Variants in GOLGA4 observed in about 807,000 individuals in gnomAD.
GOLGA4 encodes the protein golgin A4, also known as golgin subfamily A member 4.
In GOLGA4, 169 loss-of-function variants were observed where a neutral mutation model predicts 265.9. That is an observed-to-expected ratio of 0.64 (90% CI 0.56 to 0.72). GOLGA4 has a LOEUF of 0.72. GOLGA4 is among the 30% of genes least tolerant of loss of function. GOLGA4 has a pLI of 0.00. For missense variants in GOLGA4, 2,482 were observed against 2,483.4 expected (o/e 1.00, Z 0.01); for synonymous variants, 923 against 855.8 (o/e 1.08, Z -1.37).
chr3:37,267,423 G>T (rs2096786728), intron 2 of GOLGA4, among the ~76,000 whole-genome samples: 1 of 152,128 alleles, frequency 6.6e-6, no homozygotes, highest in Non-Finnish European at 1.5e-5. Flanking sequence ...ATCTTATTTT[G>T]CAGTTACCTG....
chr3:37,322,028 T>C, intron 13 of GOLGA4, 142 bp downstream of exon 13: 1 of 668,236 alleles, frequency 1.5e-6, no homozygotes, highest in Non-Finnish European at 2.5e-6. Context: ...TAGTGTGAGC[T>C]ATGCATGGGA....
chr3:37,285,408 A>G (rs906980201), intron 3 of GOLGA4, among the ~76,000 whole-genome samples: 1 of 152,226 alleles, frequency 6.6e-6, no homozygotes, highest in African/African-American at 2.4e-5. Context: ...TAAATGGTTA[A>G]ATATCTCTTT....
chr3:37,365,934 T>C, intron 23 of GOLGA4, 146 bp from the exon 24 acceptor site: 1 of 570,822 alleles, frequency 1.8e-6, no homozygotes, highest in African/African-American at 1.9e-5. Context: ...CACCCAGCCT[T>C]ATTTCTGCCT....
intron 21 of GOLGA4, among the ~76,000 whole-genome samples, chr3:37,351,744 A>G (rs931100155): frequency 1.3e-5 from 2 of 152,228 alleles, no homozygotes; most frequent in Admixed American, 6.5e-5. Flanking sequence ...TTTTCTGAGC[A>G]GTAGGTCTCA....
chr3:37,303,515 G>A (rs1412096418), intron 10 of GOLGA4, among the ~76,000 whole-genome samples: 5 of 152,326 alleles, frequency 3.3e-5, no homozygotes, highest in African/African-American at 1.2e-4. Flanking sequence ...AAATCTAAAT[G>A]GGGAAGTTGA....
At chr3:37,336,344 A>G (rs1667972986) in intron 17 of GOLGA4, among the ~76,000 whole-genome samples, 2 of 152,182 alleles carry the variant, frequency 1.3e-5, no homozygotes, top group African/African-American at 2.4e-5. Flanking sequence ...CTTAGTATCA[A>G]AGTATTAATA....
chr3:37,262,916 G>A (rs2096773833), intron 2 of GOLGA4, among the ~76,000 whole-genome samples: 1 of 152,036 alleles, frequency 6.6e-6, no homozygotes, highest in African/African-American at 2.4e-5. Context: ...AAATCCTATT[G>A]CCTGGTGACA....
At chr3:37,362,236 T>A (rs868723973) in intron 23 of GOLGA4, among the ~76,000 whole-genome samples, 2 of 133,748 alleles carry the variant, frequency 1.5e-5, no homozygotes, top group African/African-American at 3.1e-5. Flanking sequence ...TTTATTTATT[T>A]ATTATTTTTT....
chr3:37,362,015 A>C (rs1225525946), intron 23 of GOLGA4, among the ~76,000 whole-genome samples: 1 of 152,196 alleles, frequency 6.6e-6, no homozygotes, highest in Non-Finnish European at 1.5e-5. Flanking sequence ...GCACCCTCTG[A>C]AAATGTACCA....
chr3:37,265,092 ATTTTACCAG>A (rs1399319054), intron 2 of GOLGA4, among the ~76,000 whole-genome samples: 1 of 150,750 alleles, frequency 6.6e-6, no homozygotes, highest in Non-Finnish European at 1.5e-5. Context: ...ACTTATTCAG[ATTTTACCAG>A]TTTTACATGC....
chr3:37,268,861 C>T (rs944525412), intron 2 of GOLGA4, among the ~76,000 whole-genome samples: 9 of 152,208 alleles, frequency 5.9e-5, no homozygotes, highest in Non-Finnish European at 1.5e-5. Context: ...TGAGCCACTA[C>T]GCCCAGCCTA....
intron 2 of GOLGA4, among the ~76,000 whole-genome samples, chr3:37,253,916 T>C (rs1319470704): frequency 6.6e-6 from 1 of 151,580 alleles, no homozygotes. Context: ...TTTGGGAGGC[T>C]GAGGCAGGAG....
chr3:37,280,274 T>C (rs182133497), intron 2 of GOLGA4, among the ~76,000 whole-genome samples: 14 of 152,262 alleles, frequency 9.2e-5, no homozygotes, highest in Middle Eastern at 3.4e-3. Context: ...AGCATGTAAG[T>C]TCAGAGTCAG....
chr3:37,244,847 C>T lies in GOLGA4; in HGVS notation c.72+1225C>T, dbSNP rs151238941. Among the ~76,000 whole-genome samples the T allele has an allele frequency of 6.8e-3, 1,038 of 152,294 alleles. 8 individuals carry two copies. The highest frequency in any genetic ancestry group is 0.011 in the Non-Finnish European group (735 of 68,028). ...GTAAAGATTGTCCTTTTCATACCATCTATTGCAGTCATTTACAATTTTACA... is the reference window on the plus strand; with the variant it reads ...GTAAAGATTGTCCTTTTCATACCATTTATTGCAGTCATTTACAATTTTACA... On this transcript the variant is annotated intron_variant, in intron 1 of 23. Coordinates refer to ENST00000361924, the MANE Select transcript of GOLGA4 (RefSeq NM_002078.5).
intron 17 of GOLGA4, among the ~76,000 whole-genome samples, chr3:37,336,727 C>T (rs1010792546): frequency 1.3e-5 from 2 of 151,562 alleles, no homozygotes; most frequent in Non-Finnish European, 2.9e-5. Flanking sequence ...CGAGATCGTG[C>T]CATTGCACTC....
At chr3:37,298,745 G>T in intron 7 of GOLGA4, 88 bp from the exon 8 acceptor site, 61 of 815,252 alleles carry the variant, frequency 7.5e-5, no homozygotes, top group African/African-American at 8.6e-5. Flanking sequence ...GGTTAGATTA[G>T]ATCTCTTTGA....
At chr3:37,297,890 G>A (rs1251896865) in intron 7 of GOLGA4, among the ~76,000 whole-genome samples, 16 of 152,106 alleles carry the variant, frequency 1.1e-4, no homozygotes, top group African/African-American at 1.9e-4. Context: ...TTAGCGAGAC[G>A]TGGTGGTGTG....
chr3:37,310,881 C>G (rs1192024352), intron 10 of GOLGA4, among the ~76,000 whole-genome samples: 1 of 152,136 alleles, frequency 6.6e-6, no homozygotes, highest in Non-Finnish European at 1.5e-5. Flanking sequence ...TGCACTCTTG[C>G]ATGTTGGCAG....
chr3:37,325,473 A>G lies in GOLGA4; in HGVS notation c.3587A>G (p.Asn1196Ser). ...QSLKSSHEKS[N>S]KSLEDKSLEF... ...TTGAAATCTTCACATGAAAAAAGTA[A>G]CAAAAGCCTAGAGGACAAGAGCTTG... The change falls in exon 14 of 24, where the codon AAC becomes AGC. Residue 1196 changes from asparagine (N) to serine (S), a missense_variant. Physicochemically the swap from Asn to Ser is conservative, Grantham distance 46 (BLOSUM62 1). Around this residue, in one of 3 missense-constraint regions of GOLGA4, gnomAD observed 1,536 missense variants for 1,483.7 expected, o/e 1.04. Transcript: ENST00000361924. 2 of 1,612,470 alleles carry G rather than the reference A, an allele frequency of 1.2e-6. No individual in the cohort carries two copies. The highest frequency in any genetic ancestry group is 1.6e-4 in the Middle Eastern group (1 of 6,062).
Sources: gnomAD v4.1 joint callset for allele counts (sites outside exome capture counted in the v4.1 genomes callset) on GRCh38, gnomAD v4.1.1 for gene constraint, gnomAD v4.1.1 regional missense constraint, MANE v1.5 for transcripts, NCBI Gene and HGNC (gene_info 2026-07-23, HGNC 2026-07-21) for gene names.